RANBP17: variants seen among roughly 807,000 people sequenced by gnomAD.
The protein encoded by RANBP17 is ran-binding protein 17.
Under a neutral mutation model 141.2 loss-of-function variants are expected in RANBP17, and 158 were observed. The observed-to-expected ratio is 1.12, with a 90% CI of 0.98 to 1.28. RANBP17 has a LOEUF of 1.28. Ranked by LOEUF, RANBP17 falls within the 50% of genes most tolerant of loss-of-function variation. RANBP17 has a pLI of 0.00. For missense variants in RANBP17, 1,438 were observed against 1,290.7 expected (o/e 1.11, Z -1.75); for synonymous variants, 430 against 450.0 (o/e 0.96, Z 0.56).
intron 14 of RANBP17, among the ~76,000 whole-genome samples, chr5:171,090,454 A>G (rs748859541): frequency 2.0e-5 from 3 of 152,172 alleles, no homozygotes; most frequent in Admixed American, 6.5e-5. Context: ...TAAAAGGGAA[A>G]CAGAGCATAA....
chr5:171,271,184 AGGGAC>A (rs1329517364), intron 25 of RANBP17: 1 of 167,242 alleles, frequency 6.0e-6, no homozygotes, highest in Non-Finnish European at 1.2e-5. Flanking sequence ...ATACTTCAGT[AGGGAC>A]TTAAGCTGAA....
At chr5:171,172,833 C>G (rs980104838) in intron 16 of RANBP17, among the ~76,000 whole-genome samples, 1 of 151,522 alleles carries the variant, frequency 6.6e-6, no homozygotes, top group Non-Finnish European at 1.5e-5. Context: ...TTTTTCTATC[C>G]TATTAAGCCT....
At position 170,953,461 on chromosome 5, in the gene RANBP17, A is replaced by G. The variant is rs867834731; in HGVS notation, c.1469-136A>G. On this transcript the variant is annotated intron_variant, in intron 12 of 27. Transcript: ENST00000523189. Reference sequence around the variant, plus strand: ...TAAACTTAAAACCGATCTGCTTTCTATCCAGAACTGAGTTCACAATAATTT... The same window carrying G: ...TAAACTTAAAACCGATCTGCTTTCTGTCCAGAACTGAGTTCACAATAATTT... 5.0e-5 allele frequency: 30 copies of G among 601,272 alleles called. No homozygotes were observed. The Middle Eastern group carries it at 3.2e-3, about 64-fold the overall frequency. 37.2% of individuals were successfully genotyped at this position (601,272 alleles called of 1,614,324 possible). A position where few individuals can be genotyped will look rare whatever the true frequency, so the allele number is the denominator to read the frequency against.
chr5:170,991,797 T>A (rs1411268428), intron 14 of RANBP17, among the ~76,000 whole-genome samples: 6 of 152,088 alleles, frequency 3.9e-5, no homozygotes, highest in Non-Finnish European at 8.8e-5. Flanking sequence ...ATAGCTGCTG[T>A]TATTGGTAAG....
At chr5:171,273,648 T>A (rs1295936496) in intron 25 of RANBP17, among the ~76,000 whole-genome samples, 1 of 152,150 alleles carries the variant, frequency 6.6e-6, no homozygotes, top group Non-Finnish European at 1.5e-5. Context: ...ATTGAAACAT[T>A]TGGCAGGCCA....
chr5:171,110,332 C>T (rs1221263322), intron 14 of RANBP17, among the ~76,000 whole-genome samples: 2 of 152,050 alleles, frequency 1.3e-5, no homozygotes, highest in Non-Finnish European at 2.9e-5. Flanking sequence ...TAAGTAAACA[C>T]ATAATCACAT....
chr5:171,025,761 A>AT (rs1284576359), intron 14 of RANBP17, among the ~76,000 whole-genome samples: 1 of 151,458 alleles, frequency 6.6e-6, no homozygotes, highest in Non-Finnish European at 1.5e-5. Flanking sequence ...TTTTCAGTAC[A>AT]TTTTTTTGTA....
chr5:170,914,032 A>G (rs964602993), intron 7 of RANBP17, 135 bp from the exon 8 acceptor site: 3 of 637,420 alleles, frequency 4.7e-6, no homozygotes, highest in Admixed American at 2.9e-5. Context: ...ATAGCTAGGA[A>G]TTAAAAATAG....
intron 14 of RANBP17, among the ~76,000 whole-genome samples, chr5:170,989,296 C>T (rs1442325475): frequency 6.6e-6 from 1 of 151,764 alleles, no homozygotes; most frequent in Non-Finnish European, 1.5e-5. Context: ...ATCCATCCCA[C>T]ATCTTTGCTT....
At chr5:171,056,474 T>C (rs1783383377) in intron 14 of RANBP17, among the ~76,000 whole-genome samples, 1 of 152,210 alleles carries the variant, frequency 6.6e-6, no homozygotes, top group African/African-American at 2.4e-5. Context: ...ATTATAATTA[T>C]TACTGATAAC....
chr5:171,265,210 A>G (rs918820238), intron 24 of RANBP17, among the ~76,000 whole-genome samples: 2 of 152,212 alleles, frequency 1.3e-5, no homozygotes, highest in African/African-American at 2.4e-5. Flanking sequence ...GCCAGGACCT[A>G]TAATAGACAC....
chr5:170,896,442 G>T (rs1770130214), intron 5 of RANBP17, among the ~76,000 whole-genome samples: 1 of 152,124 alleles, frequency 6.6e-6, no homozygotes, highest in East Asian at 1.9e-4. Flanking sequence ...ATATGCAAAA[G>T]AGAAACAAAC....
intron 23 of RANBP17, among the ~76,000 whole-genome samples, chr5:171,241,406 G>C (rs947162252): frequency 6.6e-6 from 1 of 151,636 alleles, no homozygotes; most frequent in Non-Finnish European, 1.5e-5. Flanking sequence ...TCATGCTTAG[G>C]CTTAGTTCAG....
At chr5:170,883,047 C>CA (rs1768846441) in intron 3 of RANBP17, among the ~76,000 whole-genome samples, 1 of 152,160 alleles carries the variant, frequency 6.6e-6, no homozygotes, top group African/African-American at 2.4e-5. Context: ...GTCAAAATCT[C>CA]ACAATGATAC....
At chr5:170,911,243 C>G (rs2127421975) in intron 7 of RANBP17, 109 bp downstream of exon 7, 1 of 969,732 alleles carries the variant, frequency 1.0e-6, no homozygotes, top group Non-Finnish European at 1.5e-6. Flanking sequence ...AAAAATAGCT[C>G]AAATGGATTT....
chr5:171,075,004 G>A (rs1784831350), intron 14 of RANBP17, among the ~76,000 whole-genome samples: 2 of 152,170 alleles, frequency 1.3e-5, no homozygotes, highest in South Asian at 4.1e-4. Flanking sequence ...AAACTCGGGG[G>A]TTAACCCATT....
intron 14 of RANBP17, among the ~76,000 whole-genome samples, chr5:171,038,184 G>GTT (rs1260035636): frequency 1.3e-5 from 2 of 151,684 alleles, no homozygotes; most frequent in African/African-American, 4.8e-5. Flanking sequence ...GTGTGTGTGT[G>GTT]TGTGTGTGTG....
chr5:170,899,739 T>G (rs1770462588), intron 5 of RANBP17, among the ~76,000 whole-genome samples: 1 of 152,162 alleles, frequency 6.6e-6, no homozygotes, highest in African/African-American at 2.4e-5. Context: ...GGGTTGAATT[T>G]TATTGAAGGC....
At chr5:171,003,218 C>T (rs1214025906) in intron 14 of RANBP17, among the ~76,000 whole-genome samples, 1 of 152,102 alleles carries the variant, frequency 6.6e-6, no homozygotes, top group Non-Finnish European at 1.5e-5. Context: ...TGCAATTCAG[C>T]TGTATGTAAT....
Sources: gnomAD v4.1 joint callset for allele counts (sites outside exome capture counted in the v4.1 genomes callset) on GRCh38, gnomAD v4.1.1 for gene constraint, MANE v1.5 for transcripts, NCBI Gene and HGNC (gene_info 2026-07-23, HGNC 2026-07-21) for gene names.